Variants in CDS2 observed in about 807,000 individuals in gnomAD.
CDS2 encodes the protein phosphatidate cytidylyltransferase 2.
Under a neutral mutation model 59.0 loss-of-function variants are expected in CDS2, and 47 were observed. That is an observed-to-expected ratio of 0.80 (90% CI 0.63 to 1.02). The LOEUF is 1.02. Ranked by LOEUF, CDS2 falls within the 50% of genes least tolerant of loss-of-function variation. The pLI is 0.00. For synonymous variants in CDS2, 207 were observed against 206.4 expected, an observed-to-expected ratio of 1.00 and a Z score of -0.02; for missense variants, 356 against 558.9, an observed-to-expected ratio of 0.64 and a Z score of 3.66.
At chr20:5,177,777 A>T (rs2091005197) in intron 4 of CDS2, among the ~76,000 whole-genome samples, 1 of 152,290 alleles carries the variant, frequency 6.6e-6, no homozygotes, top group East Asian at 1.9e-4. Flanking sequence ...CTGTCACCCA[A>T]CAGACAGGCT....
Position 5,190,226 on chromosome 20 carries a change from G to T in CDS2, c.1330G>T (p.Asp444Tyr), listed in dbSNP as rs751720759. The change falls in exon 13 of 13, where the codon GAC (aspartate) becomes TAC (tyrosine). Residue 444 changes from aspartate (D) to tyrosine (Y), a missense_variant. Coordinates refer to ENST00000460006, the MANE Select transcript of CDS2 (RefSeq NM_003818.4). ...AGGGATGCTGACATCCACCACAGAG[G>T]ACGAGTAGGGGCCACCCAGGGCCAG... The part of the protein sequence containing the change: ...DKGMLTSTTE[D>Y]E 30 of 1,613,760 alleles carry T rather than the reference G, an allele frequency of 1.9e-5. No homozygotes were observed. Among genetic ancestry groups the T allele is most frequent in the Non-Finnish European group, 2.5e-5 (29 of 1,179,830 alleles).
At chr20:5,159,054 T>C (rs1019735862) in intron 1 of CDS2, among the ~76,000 whole-genome samples, 9 of 152,180 alleles carry the variant, frequency 5.9e-5, no homozygotes, top group Non-Finnish European at 1.0e-4. Context: ...GAAAATCAGA[T>C]TGAATTTTTT....
chr20:5,188,945 C>T, intron 10 of CDS2, 122 bp from the exon 11 acceptor site: 1 of 1,238,410 alleles, frequency 8.1e-7, no homozygotes. Flanking sequence ...CAAACACCTC[C>T]CACTAGGCAT....
chr20:5,193,362 T>C lies in CDS2; in HGVS notation c.*3128T>C, dbSNP rs1213082554. 6.6e-6 allele frequency: 1 copy of C among 152,252 alleles called. No individual in the cohort carries two copies. The highest frequency in any genetic ancestry group is 1.5e-5 in the Non-Finnish European group (1 of 68,050). 9.4% of individuals were successfully genotyped at this position (152,252 alleles called of 1,614,324 possible). On this transcript the variant is annotated 3_prime_UTR_variant, in exon 13 of 13. Coordinates refer to ENST00000460006, the MANE Select transcript of CDS2 (RefSeq NM_003818.4). The stretch of plus-strand genomic sequence containing the variant: ...TGTATGAGAACTAGTTTCACATCCT[T>C]TGAAACTAATCTCTTTCATTGGGGA...
rs991952000 is a variant in CDS2, at chr20:5,189,248, C to T, written c.1101+62C>T. The T allele has an allele frequency of 5.0e-6, 8 of 1,593,586 alleles. No individual in the cohort carries two copies. In the African/African-American group the frequency reaches 1.1e-4, roughly 21 times the overall value. The stretch of plus-strand genomic sequence containing the variant: ...CCTCACCCATCTTCTGCCTTTCTCC[C>T]CCTTCCCTGCCCCCTCCAAAATACT... On this transcript the variant is annotated intron_variant, in intron 11 of 12. Transcript: ENST00000460006.
intron 1 of CDS2, among the ~76,000 whole-genome samples, chr20:5,151,750 C>CTTTTTTTTTT: frequency 1.9e-5 from 1 of 53,196 alleles, no homozygotes; most frequent in South Asian, 1.0e-3. Flanking sequence ...GACTCCATGT[C>CTTTTTTTTTT]TTTTTTTTTT....
chr20:5,155,616 C>T (rs6116663), intron 1 of CDS2, among the ~76,000 whole-genome samples: 7,263 of 152,222 alleles, frequency 0.048, 594 homozygotes, highest in African/African-American at 0.17. Context: ...TCTCCTGCCT[C>T]TCTCGTAGGG....
chr20:5,141,784 T>C (rs1460814730), intron 1 of CDS2, among the ~76,000 whole-genome samples: 1 of 152,182 alleles, frequency 6.6e-6, no homozygotes, highest in East Asian at 1.9e-4. Context: ...CTGAAGTGAA[T>C]TGAATTGGAT....
At chr20:5,167,871 G>T (rs1410806164) in intron 1 of CDS2, among the ~76,000 whole-genome samples, 1 of 152,224 alleles carries the variant, frequency 6.6e-6, no homozygotes, top group Non-Finnish European at 1.5e-5. Context: ...AAGTTAGTCA[G>T]TGAAACTTGT....
rs372092597 is a variant in CDS2, at chr20:5,183,696, C to T, written c.671+553C>T. Among the ~76,000 whole-genome samples, 22 of 152,204 alleles carry T rather than the reference C, an allele frequency of 1.4e-4. No individual in the cohort carries two copies. In the East Asian group the frequency reaches 2.3e-3, roughly 16 times the overall value. On this transcript the variant is annotated intron_variant, in intron 7 of 12. Coordinates refer to ENST00000460006, the MANE Select transcript of CDS2 (RefSeq NM_003818.4). ...AGGAATGATAAACCCATTTCTGCTACGATTATAGATAAATCATTCTAAATA... is the reference window on the plus strand; with the variant it reads ...AGGAATGATAAACCCATTTCTGCTATGATTATAGATAAATCATTCTAAATA...
In CDS2 at chr20:5,193,443, T is replaced by G. The variant is rs2091133780; in HGVS notation, c.*3209T>G. 1 of 152,230 alleles carries G rather than the reference T, an allele frequency of 6.6e-6. No individual in the cohort carries two copies. Among genetic ancestry groups the G allele is most frequent in the South Asian group, 2.1e-4 (1 of 4,830 alleles). The allele number at this position is 152,230 out of a possible 1,614,324, so 9.4% of individuals were successfully genotyped here. A position where few individuals can be genotyped will look rare whatever the true frequency, so the allele number is the denominator to read the frequency against. The stretch of plus-strand genomic sequence containing the variant: ...CTTTGAATCCATTTTTATAGAATTT[T>G]TTTCCACTGTAACTTGACCTATATT... On this transcript the variant is annotated 3_prime_UTR_variant, in exon 13 of 13. Transcript: ENST00000460006.
At chr20:5,149,756 C>T (rs1388694489) in intron 1 of CDS2, among the ~76,000 whole-genome samples, 1 of 151,442 alleles carries the variant, frequency 6.6e-6, no homozygotes, top group Non-Finnish European at 1.5e-5. Flanking sequence ...CGCTCTTTTG[C>T]CGAGGCTGGA....
intron 1 of CDS2, among the ~76,000 whole-genome samples, chr20:5,138,829 C>A: frequency 6.6e-6 from 1 of 151,990 alleles, no homozygotes; most frequent in Non-Finnish European, 1.5e-5. Flanking sequence ...CAAGATCGCA[C>A]CACTGCACTG....
intron 1 of CDS2, among the ~76,000 whole-genome samples, chr20:5,149,685 A>C (rs1288617180): frequency 1.3e-5 from 2 of 152,020 alleles, no homozygotes; most frequent in Admixed American, 6.6e-5. Flanking sequence ...TACAGGTGTG[A>C]GCCACCATGC....
rs1330211301 is a variant in CDS2 at position 5,189,109 on chromosome 20, C to T, written c.1024C>T (p.Leu342Phe). The T allele has an allele frequency of 1.9e-6, 3 of 1,614,232 alleles. No homozygotes were observed. The highest frequency in any genetic ancestry group is 2.5e-6 in the Non-Finnish European group (3 of 1,180,024). The change falls in exon 11 of 13, where the codon CTC becomes TTC. Residue 342 changes from leucine (L) to phenylalanine (F), a missense_variant. This residue lies in a region of CDS2 where 88 missense variants were observed against 103.6 expected (regional missense o/e 0.85). Coordinates refer to ENST00000460006, the MANE Select transcript of CDS2 (RefSeq NM_003818.4). The stretch of plus-strand genomic sequence containing the variant: ...CCCCTTCCAGATTCACAGCATCGCT[C>T]TCTCCACCTTTGCCTCGCTCATTGG... ...MYPFQIHSIA[L>F]STFASLIGPF... is the part of the protein sequence containing the mutation.
chr20:5,183,200 A>G (rs1376934060), intron 7 of CDS2, 57 bp downstream of exon 7: 2 of 1,439,236 alleles, frequency 1.4e-6, no homozygotes, highest in African/African-American at 2.8e-5. Flanking sequence ...TCGTGTACAG[A>G]TACCCCCCTC....
chr20:5,129,828 C>T (rs2090589390), intron 1 of CDS2, among the ~76,000 whole-genome samples: 1 of 151,942 alleles, frequency 6.6e-6, no homozygotes, highest in Admixed American at 6.6e-5. Context: ...ATCTGCCCGC[C>T]TCGGTCTCCC....
chr20:5,158,336 A>AT (rs2090850193), intron 1 of CDS2, among the ~76,000 whole-genome samples: 1 of 151,688 alleles, frequency 6.6e-6, no homozygotes, highest in South Asian at 2.1e-4. Context: ...CGCCCAGCTA[A>AT]TTTTTTTGTA....
chr20:5,137,404 T>A (rs2090657397), intron 1 of CDS2, among the ~76,000 whole-genome samples: 1 of 151,620 alleles, frequency 6.6e-6, no homozygotes, highest in African/African-American at 2.4e-5. Flanking sequence ...CTACCACACT[T>A]GGCTAATTTT....
Sources: gnomAD v4.1 joint callset for allele counts (sites outside exome capture counted in the v4.1 genomes callset) on GRCh38, gnomAD v4.1.1 for gene constraint, gnomAD v4.1.1 regional missense constraint, MANE v1.5 for transcripts, NCBI Gene and HGNC (gene_info 2026-07-23, HGNC 2026-07-21) for gene names.